The following ADAM32 variants were observed in gnomAD, a reference collection of about 807,000 sequenced individuals.
The protein encoded by ADAM32 is disintegrin and metalloproteinase domain-containing protein 32.
Under a neutral mutation model 114.9 loss-of-function variants are expected in ADAM32, and 89 were observed. The observed-to-expected ratio is 0.77, with a 90% CI of 0.65 to 0.92. ADAM32 has a LOEUF of 0.92. Ranked by LOEUF, ADAM32 falls within the 40% of genes least tolerant of loss-of-function variation. ADAM32 has a pLI of 0.00. For missense variants in ADAM32, 870 were observed against 932.8 expected, an observed-to-expected ratio of 0.93 and a Z score of 0.88; for synonymous variants, 285 against 307.5, an observed-to-expected ratio of 0.93 and a Z score of 0.77.
intron 11 of ADAM32, among the ~76,000 whole-genome samples, chr8:39,203,119 G>T (rs988291472): frequency 1.3e-5 from 2 of 152,204 alleles, no homozygotes; most frequent in Non-Finnish European, 2.9e-5. Context: ...TTGATTTGGG[G>T]TGGAGAGTTC....
chr8:39,167,274 TC>T (rs1387404488), intron 9 of ADAM32: 1 of 152,238 alleles, frequency 6.6e-6, no homozygotes, highest in East Asian at 1.9e-4. Context: ...TTGGGAATTA[TC>T]CCAGCACCAT....
In ADAM32 at chr8:39,130,292, C is replaced by T. The variant is rs554174802; in HGVS notation, c.139-6365C>T. 4.6e-5 allele frequency among the ~76,000 whole-genome samples: 7 copies of T among 152,108 alleles called. No individual in the cohort carries two copies. In the South Asian group the frequency reaches 1.2e-3, roughly 27 times the overall value. On this transcript the variant is annotated intron_variant, in intron 2 of 24. Coordinates refer to ENST00000379907, the MANE Select transcript of ADAM32 (RefSeq NM_145004.7). ...ATTTTGGTAATTTCTTATTTTTCTT[C>T]GTCAGTCTAGTTAAAGGTTTGTCCA...
At chr8:39,144,772 C>T (rs1803398896) in intron 3 of ADAM32, among the ~76,000 whole-genome samples, 1 of 152,188 alleles carries the variant, frequency 6.6e-6, no homozygotes. Flanking sequence ...TTTTCCTTCA[C>T]CTCTTCTATT....
intron 16 of ADAM32, among the ~76,000 whole-genome samples, chr8:39,236,397 T>G (rs1810148875): frequency 6.6e-6 from 1 of 152,150 alleles, no homozygotes; most frequent in South Asian, 2.1e-4. Flanking sequence ...TGAAAAGTGG[T>G]TCTTTGATAA....
intron 6 of ADAM32, among the ~76,000 whole-genome samples, chr8:39,154,046 A>G (rs1803997436): frequency 6.7e-6 from 1 of 149,252 alleles, no homozygotes; most frequent in African/African-American, 2.4e-5. Flanking sequence ...ATATATATAT[A>G]TATGTAATTA....
chr8:39,220,562 T>C (rs768015096), intron 12 of ADAM32, among the ~76,000 whole-genome samples: 36 of 152,074 alleles, frequency 2.4e-4, no homozygotes, highest in Admixed American at 1.8e-3. Context: ...TCTTATAAAC[T>C]ACCATCTTAG....
chr8:39,151,866 C>T (rs1200617144), intron 6 of ADAM32, among the ~76,000 whole-genome samples: 2 of 151,430 alleles, frequency 1.3e-5, no homozygotes, highest in Non-Finnish European at 2.9e-5. Context: ...AAAAAAGAGA[C>T]AGACCATGCT....
intron 10 of ADAM32, among the ~76,000 whole-genome samples, chr8:39,183,469 G>A (rs1001292873): frequency 6.7e-6 from 1 of 149,778 alleles, no homozygotes; most frequent in Non-Finnish European, 1.5e-5. Context: ...TCCCAATATA[G>A]TATATTCCCA....
At chr8:39,267,210 G>C (rs1289882201) in intron 19 of ADAM32, among the ~76,000 whole-genome samples, 1 of 152,226 alleles carries the variant, frequency 6.6e-6, no homozygotes, top group Non-Finnish European at 1.5e-5. Context: ...GTACTGGTGA[G>C]GGGGTGGAGA....
chr8:39,200,075 T>C (rs1398652439), intron 11 of ADAM32, among the ~76,000 whole-genome samples: 8 of 152,238 alleles, frequency 5.3e-5, no homozygotes, highest in Non-Finnish European at 1.2e-4. Flanking sequence ...AGTGCTGCAA[T>C]AAACATATGT....
chr8:39,165,126 T>G lies in ADAM32; in HGVS notation c.763T>G (p.Leu255Val). Residue 255 changes from leucine to valine, a missense_variant, in exon 9 of 25, where the codon TTG (leucine) becomes GTG (valine). Leu to Val is a conservative substitution (Grantham distance 32, BLOSUM62 1). Transcript: ENST00000379907. ...ISTVGEADEL[L>V]QKFLEWKQSY... is the part of the protein sequence containing the mutation. ...TACAGTTGGTGAGGCAGATGAATTA[T>G]TGCAAAAATTTTTAGAATGGAAACA... 1 of 1,606,902 alleles carries G rather than the reference T, an allele frequency of 6.2e-7. No individual in the cohort carries two copies. Among genetic ancestry groups the G allele is most frequent in the Non-Finnish European group, 8.5e-7 (1 of 1,174,676 alleles).
intron 22 of ADAM32, among the ~76,000 whole-genome samples, chr8:39,277,078 A>G (rs754019998): frequency 9.2e-5 from 14 of 152,306 alleles, no homozygotes; most frequent in Non-Finnish European, 1.5e-4. Context: ...GTTCACATGC[A>G]TGCATGCACA....
rs996473973 is a variant in ADAM32, at chr8:39,270,777, A to C, written c.2163-99A>C. The C allele has an allele frequency of 1.1e-5, 10 of 871,076 alleles. No homozygotes were observed. The African/African-American group carries it at 1.7e-4, about 15-fold the overall frequency. The allele number at this position is 871,076 out of a possible 1,614,324, so 54.0% of individuals were successfully genotyped here. On this transcript the variant is annotated intron_variant, in intron 19 of 24. Transcript: ENST00000379907. Reference sequence around the variant, plus strand: ...ATTTTATTTTTTAATAATTAGTCTTATAAGGAGATAATACTGATTATAAAA... The same window carrying C: ...ATTTTATTTTTTAATAATTAGTCTTCTAAGGAGATAATACTGATTATAAAA...
chr8:39,136,508 GTGT>G, intron 2 of ADAM32, 146 bp from the exon 3 acceptor site: 4 of 514,036 alleles, frequency 7.8e-6, no homozygotes, highest in Non-Finnish European at 1.3e-5. Flanking sequence ...ATTTTTTGAT[GTGT>G]TGTTGCACAT....
At chr8:39,218,857 C>T (rs1301360349) in intron 12 of ADAM32, among the ~76,000 whole-genome samples, 2 of 152,020 alleles carry the variant, frequency 1.3e-5, no homozygotes, top group Non-Finnish European at 2.9e-5. Context: ...GGTGCTCTAC[C>T]CCACTGTGGT....
chr8:39,219,510 G>A (rs1808809215), intron 12 of ADAM32, among the ~76,000 whole-genome samples: 1 of 152,148 alleles, frequency 6.6e-6, no homozygotes, highest in Non-Finnish European at 1.5e-5. Context: ...GCTGAGTATA[G>A]CCTGATTCTG....
At chr8:39,187,434 G>A (rs1806318196) in intron 11 of ADAM32, among the ~76,000 whole-genome samples, 1 of 152,238 alleles carries the variant, frequency 6.6e-6, no homozygotes, top group Non-Finnish European at 1.5e-5. Flanking sequence ...ACCGTGCCCA[G>A]CTTATTTTTT....
At chr8:39,139,436 T>C (rs1803006392) in intron 3 of ADAM32, among the ~76,000 whole-genome samples, 2 of 152,336 alleles carry the variant, frequency 1.3e-5, no homozygotes, top group South Asian at 4.1e-4. Flanking sequence ...TAGGGAATCC[T>C]TTCCCCATTT....
intron 11 of ADAM32, among the ~76,000 whole-genome samples, chr8:39,198,390 T>G (rs1388526816): frequency 6.6e-6 from 1 of 152,222 alleles, no homozygotes; most frequent in African/African-American, 2.4e-5. Flanking sequence ...TCCTCTTTTT[T>G]TCTTTTAGGC....
Sources: gnomAD v4.1 joint callset for allele counts (sites outside exome capture counted in the v4.1 genomes callset) on GRCh38, gnomAD v4.1.1 for gene constraint, MANE v1.5 for transcripts, NCBI Gene and HGNC (gene_info 2026-07-23, HGNC 2026-07-21) for gene names.